Variants in SCN9A observed in about 807,000 individuals in gnomAD.
The protein encoded by SCN9A is sodium voltage-gated channel alpha subunit 9.
Under a neutral mutation model 187.0 loss-of-function variants are expected in SCN9A, and 131 were observed. The ratio of observed to expected loss-of-function variants is 0.70; its 90% CI spans 0.61 to 0.81. SCN9A has a LOEUF of 0.81. SCN9A is among the 30% of genes least tolerant of loss of function. The probability of loss-of-function intolerance (pLI) is 0.00; values close to 1 mark genes in which losing one functional copy is unlikely to be tolerated. For synonymous variants in SCN9A, 809 were observed against 808.6 expected (o/e 1.00, Z -0.01); for missense variants, 2,252 against 2,396.6 (o/e 0.94, Z 1.26).
At chr2:166,240,686 GT>G (rs1382826742) in intron 19 of SCN9A, among the ~76,000 whole-genome samples, 2 of 152,106 alleles carry the variant, frequency 1.3e-5, no homozygotes, top group African/African-American at 4.8e-5. Context: ...CACATTTTCT[GT>G]TTCTGAGAGT....
At chr2:166,200,476 A>C (rs1228002492) in intron 26 of SCN9A, among the ~76,000 whole-genome samples, 1 of 152,184 alleles carries the variant, frequency 6.6e-6, no homozygotes, top group Non-Finnish European at 1.5e-5. Context: ...AGAAAATTCA[A>C]GCAATACCGT....
At chr2:166,370,229 A>ATCATCATCATCATCATCATCATC (rs1553507725) in intron 1 of SCN9A, among the ~76,000 whole-genome samples, 1 of 136,824 alleles carries the variant, frequency 7.3e-6, no homozygotes, top group African/African-American at 2.8e-5. Flanking sequence ...TAATAATAAT[A>ATCATCATCATCATCATCATCATC]ATAATAATCA....
intron 1 of SCN9A, among the ~76,000 whole-genome samples, chr2:166,356,077 AGGTTTTT>A: frequency 6.6e-6 from 1 of 152,074 alleles, no homozygotes; most frequent in Non-Finnish European, 1.5e-5. Context: ...GGCCAAAATG[AGGTTTTT>A]CACACAGTCC....
intron 1 of SCN9A, among the ~76,000 whole-genome samples, chr2:166,319,788 T>A (rs1699193906): frequency 1.3e-5 from 2 of 152,082 alleles, no homozygotes; most frequent in Non-Finnish European, 2.9e-5. Flanking sequence ...GTAAAAGTAA[T>A]GGAATAGCTT....
chr2:166,305,644 T>C (rs1698729419), intron 5 of SCN9A, 148 bp downstream of exon 5: 9 of 1,035,476 alleles, frequency 8.7e-6, no homozygotes, highest in Non-Finnish European at 1.4e-6. Context: ...TGCCTATCAA[T>C]GACTAGCTTT....
At chr2:166,254,497 T>C (rs569068687) in intron 17 of SCN9A, among the ~76,000 whole-genome samples, 3 of 151,548 alleles carry the variant, frequency 2.0e-5, no homozygotes, top group South Asian at 4.1e-4. Context: ...AGTTTTTTTT[T>C]CCTGCGGTGA....
At chr2:166,364,202 G>T (rs1045800574) in intron 1 of SCN9A, among the ~76,000 whole-genome samples, 1 of 151,590 alleles carries the variant, frequency 6.6e-6, no homozygotes, top group Non-Finnish European at 1.5e-5. Context: ...AGGGTGTGGA[G>T]AAATTGTAAC....
chr2:166,199,905 A>G (rs1325853482), intron 26 of SCN9A, 41 bp from the exon 27 acceptor site: 1 of 1,465,898 alleles, frequency 6.8e-7, no homozygotes, highest in South Asian at 1.1e-5. Context: ...ATATTTAAAG[A>G]TGTATGCTAC....
chr2:166,282,567 T>TAC (rs1055256088), intron 12 of SCN9A, among the ~76,000 whole-genome samples: 16 of 152,002 alleles, frequency 1.1e-4, no homozygotes, highest in Admixed American at 9.2e-4. Flanking sequence ...AGGCCAGAAA[T>TAC]ACACACACAC....
intron 24 of SCN9A, among the ~76,000 whole-genome samples, chr2:166,211,391 A>G (rs1191301160): frequency 6.6e-6 from 1 of 152,150 alleles, no homozygotes; most frequent in Non-Finnish European, 1.5e-5. Context: ...AGGAAATGCT[A>G]AAGTGAGTTC....
intron 7 of SCN9A, among the ~76,000 whole-genome samples, chr2:166,296,885 GGAT>G (rs1559022400): frequency 6.6e-6 from 1 of 152,060 alleles, no homozygotes; most frequent in Middle Eastern, 3.4e-3. Flanking sequence ...TTCAAAAGTG[GGAT>G]GATTCTGAAA....
intron 1 of SCN9A, among the ~76,000 whole-genome samples, chr2:166,350,961 T>A (rs867381514): frequency 3.9e-5 from 6 of 152,166 alleles, no homozygotes; most frequent in Admixed American, 6.6e-5. Context: ...ATAATATTTT[T>A]AAAACATTAT....
intron 1 of SCN9A, among the ~76,000 whole-genome samples, chr2:166,343,919 T>C (rs544697883): frequency 1.9e-4 from 29 of 152,250 alleles, no homozygotes; most frequent in Non-Finnish European, 3.5e-4. Flanking sequence ...TGCTTTATAA[T>C]GTAAAGTGAG....
chr2:166,252,770 T>TAC (rs143224979), intron 17 of SCN9A, among the ~76,000 whole-genome samples: 82 of 151,108 alleles, frequency 5.4e-4, no homozygotes, highest in Non-Finnish European at 8.6e-4. Flanking sequence ...TGTTTACACA[T>TAC]ACACACACAC....
chr2:166,215,223 G>A (rs746910704), intron 24 of SCN9A, among the ~76,000 whole-genome samples: 3 of 151,972 alleles, frequency 2.0e-5, no homozygotes, highest in Non-Finnish European at 2.9e-5. Flanking sequence ...AAATTATACG[G>A]AAAAACAGAA....
intron 1 of SCN9A, among the ~76,000 whole-genome samples, chr2:166,344,483 A>G (rs528366547): frequency 5.0e-4 from 76 of 152,278 alleles, no homozygotes; most frequent in Non-Finnish European, 5.6e-4. Context: ...CGCTTAGAAA[A>G]TAGTCCTTCA....
chr2:166,275,011 G>T (rs1697169757), intron 16 of SCN9A, among the ~76,000 whole-genome samples: 1 of 152,056 alleles, frequency 6.6e-6, no homozygotes, highest in African/African-American at 2.4e-5. Context: ...TAAAAACAAG[G>T]ATTAGACCAT....
Position 166,311,570 on chromosome 2 carries a change from A to G in SCN9A, c.187T>C (p.Tyr63His), listed in dbSNP as rs1698959487. The G allele has an allele frequency of 6.2e-7, 1 of 1,613,158 alleles. No homozygotes were observed. The highest frequency in any genetic ancestry group is 1.1e-5 in the South Asian group (1 of 91,020). Residue 63 changes from tyrosine (Y) to histidine (H), a missense_variant, in exon 2 of 27, where the codon TAT (tyrosine) becomes CAT (histidine). This residue lies in a region of SCN9A where 1,013 missense variants were observed against 997.4 expected (regional missense o/e 1.02). Transcript: ENST00000642356. ...LEAGKQLPFI[Y>H]GDIPPGMVSE... Reference sequence around the variant, plus strand: ...ACCATGCCGGGAGGAATGTCCCCATAGATGAAGGGCAGCTGTTTGCCAGCT... The same window carrying G: ...ACCATGCCGGGAGGAATGTCCCCATGGATGAAGGGCAGCTGTTTGCCAGCT...
At position 166,320,990 on chromosome 2, in the gene SCN9A, G is replaced by A. The variant is rs189802138; in HGVS notation, c.-50-9184C>T. Among the ~76,000 whole-genome samples the A allele has an allele frequency of 5.9e-4, 90 of 152,250 alleles. 2 individuals are homozygous for A. Among genetic ancestry groups the A allele is most frequent in the Middle Eastern group, 6.8e-3 (2 of 292 alleles). ...AAGTTTTAGGGAAGAGCATAAGCAT[G>A]TCTACTTTTAAAAAGCATAAAATAC... is the stretch of plus-strand genomic sequence containing the variant. On this transcript the variant is annotated intron_variant, in intron 1 of 26. Transcript: ENST00000642356.
Sources: gnomAD v4.1 joint callset for allele counts (sites outside exome capture counted in the v4.1 genomes callset) on GRCh38, gnomAD v4.1.1 for gene constraint, gnomAD v4.1.1 regional missense constraint, MANE v1.5 for transcripts, NCBI Gene and HGNC (gene_info 2026-07-23, HGNC 2026-07-21) for gene names.